Variants in ANO3 observed in about 807,000 individuals in gnomAD.
ANO3 encodes anoctamin-3.
In ANO3, 99 loss-of-function variants were observed where a neutral mutation model predicts 144.8. That is an observed-to-expected ratio of 0.68 (90% CI 0.58 to 0.81). ANO3 has a LOEUF of 0.81. Among genes scored for constraint, ANO3 ranks in the 30% least tolerant of loss-of-function variants. The pLI is 0.00. For synonymous variants in ANO3, 414 were observed against 392.6 expected (o/e 1.05, Z -0.64); for missense variants, 905 against 1,202.2 (o/e 0.75, Z 3.66).
At chr11:26,546,605 TA>T (rs1849795218) in intron 11 of ANO3, among the ~76,000 whole-genome samples, 1 of 152,056 alleles carries the variant, frequency 6.6e-6, no homozygotes, top group Admixed American at 6.6e-5. Flanking sequence ...TTATCATTTT[TA>T]ACCAGGCCTT....
intron 1 of ANO3, among the ~76,000 whole-genome samples, chr11:26,287,003 G>A (rs553663174): frequency 2.6e-5 from 4 of 152,230 alleles, no homozygotes; most frequent in Non-Finnish European, 2.9e-5. Context: ...ATCAATGGAA[G>A]CACAAGATTT....
At chr11:26,577,752 T>C (rs2132848866) in intron 14 of ANO3, among the ~76,000 whole-genome samples, 1 of 152,250 alleles carries the variant, frequency 6.6e-6, no homozygotes, top group East Asian at 1.9e-4. Context: ...TTAACTAGGG[T>C]TGTATTTAAA....
intron 1 of ANO3, among the ~76,000 whole-genome samples, chr11:26,229,010 G>A (rs564252125): frequency 1.8e-4 from 27 of 152,228 alleles, no homozygotes; most frequent in East Asian, 3.9e-4. Flanking sequence ...TGCCATTTCC[G>A]TTCTAAGTAA....
At chr11:26,315,459 C>A (rs983730750) in intron 1 of ANO3, among the ~76,000 whole-genome samples, 1 of 152,080 alleles carries the variant, frequency 6.6e-6, no homozygotes, top group South Asian at 2.1e-4. Flanking sequence ...GGCAGGCAGT[C>A]CATGCTATCC....
At chr11:26,362,728 T>C (rs1195325147) in intron 1 of ANO3, among the ~76,000 whole-genome samples, 3 of 152,208 alleles carry the variant, frequency 2.0e-5, no homozygotes, top group Non-Finnish European at 4.4e-5. Flanking sequence ...TAAACAAATA[T>C]TATGTTTTTA....
At chr11:26,494,923 T>C (rs948169961) in intron 4 of ANO3, among the ~76,000 whole-genome samples, 9 of 152,084 alleles carry the variant, frequency 5.9e-5, no homozygotes, top group Non-Finnish European at 1.2e-4. Context: ...AGGGTTATAA[T>C]CCACTGATTT....
At chr11:26,551,377 TC>T (rs1849927951) in intron 12 of ANO3, among the ~76,000 whole-genome samples, 4 of 18,268 alleles carry the variant, frequency 2.2e-4, no homozygotes, top group Admixed American at 1.3e-3. Flanking sequence ...TGATGGGAAC[TC>T]TCTCTCCCTC....
chr11:26,295,731 G>C (rs190071832), intron 1 of ANO3, among the ~76,000 whole-genome samples: 13 of 152,214 alleles, frequency 8.5e-5, no homozygotes, highest in Non-Finnish European at 1.6e-4. Context: ...AAATTTTAAA[G>C]ACGTTTTTAA....
chr11:26,634,837 A>G (rs1852899420), intron 19 of ANO3, among the ~76,000 whole-genome samples, 176 bp from the exon 20 acceptor site: 1 of 152,160 alleles, frequency 6.6e-6, no homozygotes, highest in South Asian at 2.1e-4. Flanking sequence ...TTCACGCATC[A>G]CTTTTTCCTT....
chr11:26,597,443 A>G (rs11029629), intron 14 of ANO3, among the ~76,000 whole-genome samples: 67,541 of 152,052 alleles, frequency 0.44, 15,870 homozygotes, highest in East Asian at 0.68. Flanking sequence ...AGCTGGATCC[A>G]GAGCGGCAAT....
chr11:26,524,360 G>C (rs183556712), intron 6 of ANO3, among the ~76,000 whole-genome samples: 48 of 152,242 alleles, frequency 3.2e-4, no homozygotes, highest in African/African-American at 1.1e-3. Flanking sequence ...ATTATTTTCT[G>C]GCAATATGAC....
At chr11:26,609,240 A>C (rs1852021954) in intron 17 of ANO3, among the ~76,000 whole-genome samples, 1 of 151,910 alleles carries the variant, frequency 6.6e-6, no homozygotes, top group African/African-American at 2.4e-5. Flanking sequence ...TGTTCCTTCC[A>C]CTCAGTGGAG....
At chr11:26,306,169 T>C (rs867788778), upstream of ANO3, among the ~76,000 whole-genome samples, 10 of 145,316 alleles carry the variant, frequency 6.9e-5, no homozygotes, top group Middle Eastern at 7.1e-3. Context: ...AGAGACGGGG[T>C]TTCACCGTGT....
chr11:26,586,561 G>A lies in ANO3; in HGVS notation c.1448-11804G>A, dbSNP rs901657692. On this transcript the variant is annotated intron_variant, in intron 14 of 26. Transcript: ENST00000256737. ...TTCTATCGCCAGGCTGGAGTGCAGT[G>A]GCGCGATCTCGGCTCACCGCAAGCT... Among the ~76,000 whole-genome samples the A allele has an allele frequency of 2.4e-4, 29 of 122,622 alleles. No homozygotes were observed. The Admixed American group carries it at 2.9e-3, about 12-fold the overall frequency. 80.4% of individuals were successfully genotyped at this position (122,622 alleles called of 152,430 possible).
intron 1 of ANO3, among the ~76,000 whole-genome samples, chr11:26,285,056 C>T (rs1853771864): frequency 6.6e-6 from 1 of 152,042 alleles, no homozygotes; most frequent in Non-Finnish European, 1.5e-5. Context: ...AGAATTTCCA[C>T]TAGGGGGAGC....
chr11:26,548,276 A>G (rs1014102039), intron 12 of ANO3, among the ~76,000 whole-genome samples: 9 of 151,980 alleles, frequency 5.9e-5, no homozygotes, highest in African/African-American at 1.9e-4. Context: ...TGAGATTTGG[A>G]AATAGGAACA....
At chr11:26,631,868 C>T (rs1395404758) in intron 18 of ANO3, among the ~76,000 whole-genome samples, 3 of 151,972 alleles carry the variant, frequency 2.0e-5, no homozygotes, top group African/African-American at 7.2e-5. Flanking sequence ...AATCCATAGC[C>T]AAAACATAAG....
At chr11:26,190,667 C>T (rs1851457582) in intron 1 of ANO3, among the ~76,000 whole-genome samples, 1 of 152,100 alleles carries the variant, frequency 6.6e-6, no homozygotes. Context: ...TGTCTTTATG[C>T]CGTTAGATTC....
At chr11:26,382,358 C>T (rs1856609523) in intron 1 of ANO3, among the ~76,000 whole-genome samples, 1 of 152,144 alleles carries the variant, frequency 6.6e-6, no homozygotes, top group African/African-American at 2.4e-5. Context: ...TGATATACTT[C>T]CCAGTTTGCT....
Sources: gnomAD v4.1 joint callset for allele counts (sites outside exome capture counted in the v4.1 genomes callset) on GRCh38, gnomAD v4.1.1 for gene constraint, MANE v1.5 for transcripts, NCBI Gene and HGNC (gene_info 2026-07-23, HGNC 2026-07-21) for gene names.